Variants in BTN1A1 observed in about 807,000 individuals in gnomAD.
BTN1A1 encodes the protein bK14H9.2 (butyrophilin, subfamily 1, member A1).
Under a neutral mutation model 33.1 loss-of-function variants are expected in BTN1A1, and 26 were observed. The ratio of observed to expected loss-of-function variants is 0.79; its 90% CI spans 0.58 to 1.09. The LOEUF is 1.09. BTN1A1 is among the 50% of genes least tolerant of loss of function. BTN1A1 has a pLI of 0.00. For missense variants in BTN1A1, 558 were observed against 655.7 expected (o/e 0.85, Z 1.63); for synonymous variants, 235 against 256.2 (o/e 0.92, Z 0.79).
Position 26,508,876 on chromosome 6 carries a change from A to G in BTN1A1, c.1283A>G (p.Tyr428Cys). 2 of 1,614,180 alleles carry G rather than the reference A, an allele frequency of 1.2e-6. No individual in the cohort carries two copies. The highest frequency in any genetic ancestry group is 2.2e-5 in the East Asian group (1 of 44,882). ...CGCCGGGTTGGGATTTTCCTAGACT[A>G]TGAATCAGGAGACATCTCCTTCTAC... Reference protein sequence around the residue: ...PPRRVGIFLDYESGDISFYNM... With the variant: ...PPRRVGIFLDCESGDISFYNM... The change falls in exon 8 of 8, where the codon TAT (tyrosine) becomes TGT (cysteine). Residue 428 changes from tyrosine to cysteine, a missense_variant. Physicochemically the swap from Tyr to Cys is radical, Grantham distance 194. Coordinates refer to ENST00000684113, the MANE Select transcript of BTN1A1 (RefSeq NM_001732.3).
intron 7 of BTN1A1, 42 bp downstream of exon 7, chr6:26,508,129 C>T (rs1220427982): frequency 6.4e-7 from 1 of 1,566,668 alleles, no homozygotes; most frequent in Admixed American, 2.0e-5. Flanking sequence ...AGGCTCTATC[C>T]CCTAGGAATT....
chr6:26,508,530 C>A lies in BTN1A1; in HGVS notation c.937C>A (p.His313Asn), dbSNP rs368401858. The A allele has an allele frequency of 4.4e-5, 71 of 1,613,614 alleles. No individual in the cohort carries two copies. The highest frequency in any genetic ancestry group is 5.8e-5 in the Non-Finnish European group (69 of 1,179,816). Residue 313 changes from histidine to asparagine, a missense_variant, in exon 8 of 8, where the codon CAT (histidine) becomes AAT (asparagine). Coordinates refer to ENST00000684113, the MANE Select transcript of BTN1A1 (RefSeq NM_001732.3). Reference sequence around the variant, plus strand: ...TGTGACTCTGGACCCAGACACAGCTCATCCCCACCTCTTTCTTTATGAGGA... The same window carrying A: ...TGTGACTCTGGACCCAGACACAGCTAATCCCCACCTCTTTCTTTATGAGGA... ...VDVTLDPDTA[H>N]PHLFLYEDSK...
intron 7 of BTN1A1, among the ~76,000 whole-genome samples, 166 bp downstream of exon 7, chr6:26,508,253 C>G (rs927994298): frequency 6.6e-6 from 1 of 152,140 alleles, no homozygotes; most frequent in Admixed American, 6.5e-5. Flanking sequence ...ATAGAGAACC[C>G]TTGGAAGATG....
In BTN1A1 at chr6:26,501,489, G is replaced by T; in HGVS notation, c.80-101G>T. ...CCAGACAAACTCAGCTGTCAAAGGAGTAAGAGAGCGCGGGGCACTGCGCTT... is the reference window on the plus strand; with the variant it reads ...CCAGACAAACTCAGCTGTCAAAGGATTAAGAGAGCGCGGGGCACTGCGCTT... On this transcript the variant is annotated intron_variant, in intron 2 of 7. Transcript: ENST00000684113. This position sits in a 1 kb window ranked among gnomAD's most constrained non-coding sequence, Gnocchi z 5.2. 2 of 1,583,234 alleles carry T rather than the reference G, an allele frequency of 1.3e-6. No individual in the cohort carries two copies. Among genetic ancestry groups the T allele is most frequent in the Admixed American group, 3.4e-5 (2 of 58,390 alleles).
Position 26,501,415 on chromosome 6 carries a change from T to G in BTN1A1, c.79+50T>G. The G allele has an allele frequency of 3.1e-6, 5 of 1,589,800 alleles. No individual in the cohort carries two copies. The highest frequency in any genetic ancestry group is 4.3e-6 in the Non-Finnish European group (5 of 1,158,098). ...TGCATAGTTGAAATATATCAATAAATGTAAAATAAACAATCCCACTTGGCT... is the reference window on the plus strand; with the variant it reads ...TGCATAGTTGAAATATATCAATAAAGGTAAAATAAACAATCCCACTTGGCT... On this transcript the variant is annotated intron_variant, in intron 2 of 7. Transcript: ENST00000684113. This position sits in a 1 kb window ranked among gnomAD's most constrained non-coding sequence, Gnocchi z 5.2.
intron 5 of BTN1A1, among the ~76,000 whole-genome samples, 159 bp downstream of exon 5, chr6:26,506,991 T>C (rs1192893351): frequency 6.6e-6 from 1 of 151,986 alleles, no homozygotes; most frequent in Non-Finnish European, 1.5e-5. Context: ...GAAGCCGAGG[T>C]AGGTGGATCA....
rs776561835 is a variant in BTN1A1 at position 26,507,936 on chromosome 6, TG to T, written c.860-13del. 1 of 1,614,058 alleles carries T rather than the reference TG, an allele frequency of 6.2e-7. No individual in the cohort carries two copies. Among genetic ancestry groups the T allele is most frequent in the Non-Finnish European group, 8.5e-7 (1 of 1,179,934 alleles). Reference sequence around the variant, plus strand: ...CTATAGAAAGCCATTGAGGTATTTTTGTTTGTTTTCCAGAGAGACTCCTGGA... The same window carrying T: ...CTATAGAAAGCCATTGAGGTATTTTTTTTGTTTTCCAGAGAGACTCCTGGA... On this transcript the variant is annotated splice_polypyrimidine_tract_variant and intron_variant, in intron 5 of 7. Coordinates refer to ENST00000684113, the MANE Select transcript of BTN1A1 (RefSeq NM_001732.3).
chr6:26,500,310 T>C lies in BTN1A1; in HGVS notation c.-106T>C, dbSNP rs1763782232. ...GCCCCGGGGGCCACAGCCAGCTTTC[T>C]CACTTGGTAGCAGTGGCCTCTTGTG... On this transcript the variant is annotated 5_prime_UTR_variant, in exon 1 of 8. Coordinates refer to ENST00000684113, the MANE Select transcript of BTN1A1 (RefSeq NM_001732.3). 6.6e-6 allele frequency among the ~76,000 whole-genome samples: 1 copy of C among 152,186 alleles called. No individual in the cohort carries two copies. The highest frequency in any genetic ancestry group is 2.4e-5 in the African/African-American group (1 of 41,446).
At chr6:26,507,131 G>T (rs1371461598) in intron 5 of BTN1A1, among the ~76,000 whole-genome samples, 1 of 152,190 alleles carries the variant, frequency 6.6e-6, no homozygotes, top group African/African-American at 2.4e-5. Flanking sequence ...TGAGGCAGGA[G>T]AATTGCTTGA....
At chr6:26,502,606 A>G (rs1341676953) in intron 3 of BTN1A1, among the ~76,000 whole-genome samples, 1 of 152,246 alleles carries the variant, frequency 6.6e-6, no homozygotes, top group Non-Finnish European at 1.5e-5. Context: ...TCTTCATGAA[A>G]TAATTAAATA....
intron 3 of BTN1A1, 92 bp downstream of exon 3, chr6:26,502,029 C>A: frequency 7.0e-7 from 1 of 1,430,912 alleles, no homozygotes; most frequent in South Asian, 1.6e-5. Flanking sequence ...CAGATTCATT[C>A]TCAAAATCTC....
chr6:26,507,885 G>T (rs1055118035), intron 5 of BTN1A1, 65 bp from the exon 6 acceptor site: 1 of 1,533,084 alleles, frequency 6.5e-7, no homozygotes, highest in Non-Finnish European at 9.0e-7. Flanking sequence ...TTTCCCACAC[G>T]AGTTTTGTCC....
chr6:26,504,174 A>C (rs1763841095), intron 3 of BTN1A1, among the ~76,000 whole-genome samples: 1 of 152,202 alleles, frequency 6.6e-6, no homozygotes, highest in South Asian at 2.1e-4. Flanking sequence ...AGATAAAGAA[A>C]GCTTAAATTG....
Position 26,501,741 on chromosome 6 carries a change from T to C in BTN1A1, c.231T>C (p.His77=), listed in dbSNP as rs773867200. The change falls in exon 3 of 8, where the codon CAT becomes CAC. Residue 77 remains histidine (H), a synonymous_variant. Transcript: ENST00000684113. The surrounding 1 kb of genome is among the most constrained non-coding windows in gnomAD (Gnocchi z 5.2). The stretch of plus-strand genomic sequence containing the variant: ...AGGTTTCGCCGGCCGTGCTGGTGCA[T>C]AGGGACGGGCGCGAGCAGGAAGCCG... ...RKKVSPAVLV[H]RDGREQEAEQ... is the part of the protein sequence containing the mutation. 8.7e-6 allele frequency: 14 copies of C among 1,613,772 alleles called. No individual in the cohort carries two copies. Among genetic ancestry groups the C allele is most frequent in the Middle Eastern group, 3.3e-4 (2 of 6,060 alleles).
rs188133995 is a variant in BTN1A1, at chr6:26,503,978, G to T, written c.428-947G>T. On this transcript the variant is annotated intron_variant, in intron 3 of 7. Coordinates refer to ENST00000684113, the MANE Select transcript of BTN1A1 (RefSeq NM_001732.3). ...TCTTGGAATGTGGATTTTAACCAGT[G>T]GTTGTGGAAATGTGTTTAAGAGCTC... Among the ~76,000 whole-genome samples, 37 of 152,128 alleles carry T rather than the reference G, an allele frequency of 2.4e-4. 1 individual carries two copies. The South Asian group carries it at 5.0e-3, about 21-fold the overall frequency.
intron 1 of BTN1A1, among the ~76,000 whole-genome samples, chr6:26,500,851 G>C (rs1763789336): frequency 6.6e-6 from 1 of 152,156 alleles, no homozygotes; most frequent in South Asian, 2.1e-4. Context: ...GGAGGCTGAG[G>C]TTGCATTGAG....
chr6:26,505,556 C>T (rs1045900620), intron 4 of BTN1A1, among the ~76,000 whole-genome samples: 3 of 152,180 alleles, frequency 2.0e-5, no homozygotes, highest in African/African-American at 7.2e-5. Flanking sequence ...TCCAGAATAG[C>T]TGGGACGACA....
chr6:26,508,825 C>A lies in BTN1A1; in HGVS notation c.1232C>A (p.Thr411Asn). The change falls in exon 8 of 8, where the codon ACC becomes AAC. Residue 411 changes from threonine (T) to asparagine (N), a missense_variant. Physicochemically the swap from Thr to Asn is moderately conservative, Grantham distance 65. Coordinates refer to ENST00000684113, the MANE Select transcript of BTN1A1 (RefSeq NM_001732.3). ...TACTGGGCCCTCACTCCTCTCCGGACCCCTCTCCCATTGGCAGGGCCCCCA... is the reference window on the plus strand; with the variant it reads ...TACTGGGCCCTCACTCCTCTCCGGAACCCTCTCCCATTGGCAGGGCCCCCA... ...NGYWALTPLR[T>N]PLPLAGPPRR... The A allele has an allele frequency of 6.2e-7, 1 of 1,614,212 alleles. No homozygotes were observed. Among genetic ancestry groups the A allele is most frequent in the Non-Finnish European group, 8.5e-7 (1 of 1,180,028 alleles).
At chr6:26,506,651 A>C in intron 4 of BTN1A1, 32 bp from the exon 5 acceptor site, 3 of 1,610,338 alleles carry the variant, frequency 1.9e-6, no homozygotes, top group Non-Finnish European at 2.5e-6. Flanking sequence ...AGAATTTCTC[A>C]ACTAATGTCC....
Sources: gnomAD v4.1 joint callset for allele counts (sites outside exome capture counted in the v4.1 genomes callset) on GRCh38, gnomAD v4.1.1 for gene constraint, Gnocchi (gnomAD v3.1) non-coding constraint, MANE v1.5 for transcripts, NCBI Gene and HGNC (gene_info 2026-07-23, HGNC 2026-07-21) for gene names.